TMEM161B: variants seen among roughly 807,000 people sequenced by gnomAD.
The protein encoded by TMEM161B is transmembrane protein 161B.
A neutral mutation model predicts 61.8 loss-of-function variants in TMEM161B; 34 were observed. The ratio of observed to expected loss-of-function variants is 0.55; its 90% confidence interval spans 0.42 to 0.73. The LOEUF (loss-of-function observed/expected upper bound fraction) is 0.73, where lower values mean the gene tolerates loss of function less well. Among genes scored for constraint, TMEM161B ranks in the 30% least tolerant of loss-of-function variants. The pLI is 0.00. For missense variants in TMEM161B, 456 were observed against 558.5 expected, an observed-to-expected ratio of 0.82 and a Z score of 1.85; for synonymous variants, 167 against 192.8, an observed-to-expected ratio of 0.87 and a Z score of 1.11.
chr5:88,243,441 A>G (rs1753071251), intron 1 of TMEM161B, among the ~76,000 whole-genome samples: 1 of 151,880 alleles, frequency 6.6e-6, no homozygotes, highest in Admixed American at 6.6e-5. Context: ...ATGGCTGGAT[A>G]GTATTCCATG....
At chr5:88,235,338 A>G (rs1421477452) in intron 2 of TMEM161B, among the ~76,000 whole-genome samples, 1 of 152,228 alleles carries the variant, frequency 6.6e-6, no homozygotes, top group Non-Finnish European at 1.5e-5. Context: ...ATAATCATAT[A>G]AAACTCTATT....
intron 1 of TMEM161B, among the ~76,000 whole-genome samples, chr5:88,261,730 CAAAAAA>C (rs70996464): frequency 2.2e-4 from 11 of 49,292 alleles, no homozygotes; most frequent in South Asian, 2.0e-3. Context: ...CATTCATGTG[CAAAAAA>C]AAAAAAAAAA....
chr5:88,210,952 G>C (rs1399943858), intron 5 of TMEM161B, among the ~76,000 whole-genome samples: 3 of 152,184 alleles, frequency 2.0e-5, no homozygotes, highest in Admixed American at 6.5e-5. Context: ...TTCAGGCTTT[G>C]TGGTCCATAT....
intron 5 of TMEM161B, among the ~76,000 whole-genome samples, chr5:88,212,813 C>T (rs1747079902): frequency 6.6e-6 from 1 of 152,108 alleles, no homozygotes; most frequent in Non-Finnish European, 1.5e-5. Flanking sequence ...GGCGATGGAG[C>T]GAGATTATCT....
At chr5:88,214,294 G>A (rs947835578) in intron 5 of TMEM161B, among the ~76,000 whole-genome samples, 1 of 152,022 alleles carries the variant, frequency 6.6e-6, no homozygotes, top group Admixed American at 6.6e-5. Flanking sequence ...CAAGCACTGT[G>A]GAAATGTGAC....
chr5:88,199,180 T>C, intron 9 of TMEM161B, 30 bp from the exon 10 acceptor site: 1 of 1,573,630 alleles, frequency 6.4e-7, no homozygotes. Context: ...TACGGTGCTC[T>C]CAAAGACAAC....
chr5:88,206,319 G>A (rs2112415508), intron 7 of TMEM161B, 120 bp downstream of exon 7: 1 of 774,758 alleles, frequency 1.3e-6, no homozygotes, highest in Non-Finnish European at 2.0e-6. Flanking sequence ...GATGTTTCTA[G>A]AAGTGACAGT....
chr5:88,219,739 T>C (rs930228030), intron 5 of TMEM161B, among the ~76,000 whole-genome samples: 5 of 151,998 alleles, frequency 3.3e-5, no homozygotes, highest in African/African-American at 1.2e-4. Context: ...ATCTATCAAG[T>C]ATGAGGGAAA....
Position 88,196,112 on chromosome 5 carries a change from C to A in TMEM161B, c.*99G>T. 1 of 1,461,422 alleles carries A rather than the reference C, an allele frequency of 6.8e-7. No homozygotes were observed. The highest frequency in any genetic ancestry group is 9.0e-7 in the Non-Finnish European group (1 of 1,108,240). The allele number at this position is 1,461,422 out of a possible 1,614,324, so 90.5% of individuals were successfully genotyped here. A position where few individuals can be genotyped will look rare whatever the true frequency, so the allele number is the denominator to read the frequency against. On this transcript the variant is annotated 3_prime_UTR_variant, in exon 12 of 12. Transcript: ENST00000296595. ...GACATTCTGATATGTTTTTTTTTTC[C>A]CATTGTATTTGCTTTCTTCTGGTTT...
At chr5:88,230,253 C>T (rs1009356399) in intron 2 of TMEM161B, among the ~76,000 whole-genome samples, 8 of 151,992 alleles carry the variant, frequency 5.3e-5, no homozygotes, top group African/African-American at 1.9e-4. Context: ...TGAGTACCCA[C>T]TGAATATTTG....
downstream of TMEM161B, among the ~76,000 whole-genome samples, chr5:88,192,195 GA>G (rs2112302378): frequency 6.6e-6 from 1 of 151,268 alleles, no homozygotes; most frequent in African/African-American, 2.4e-5. Context: ...CCAAACGGGA[GA>G]AAGAACAGTA....
At chr5:88,228,209 T>G (rs980328390) in intron 3 of TMEM161B, among the ~76,000 whole-genome samples, 18 of 152,146 alleles carry the variant, frequency 1.2e-4, no homozygotes, top group Admixed American at 1.2e-3. Context: ...TTACATTTTC[T>G]TTAGTATGAT....
chr5:88,228,276 CTATTT>C (rs1345602080), intron 3 of TMEM161B, among the ~76,000 whole-genome samples, 164 bp downstream of exon 3: 1 of 152,058 alleles, frequency 6.6e-6, no homozygotes, highest in East Asian at 1.9e-4. Context: ...AAAATAATCA[CTATTT>C]TGTGTGTATA....
At chr5:88,246,609 T>C (rs2112694019) in intron 1 of TMEM161B, among the ~76,000 whole-genome samples, 1 of 152,052 alleles carries the variant, frequency 6.6e-6, no homozygotes, top group South Asian at 2.1e-4. Context: ...TCATTTAAAA[T>C]TCAAAAACAA....
intron 1 of TMEM161B, among the ~76,000 whole-genome samples, chr5:88,253,391 A>C (rs1754590453): frequency 6.6e-6 from 1 of 152,192 alleles, no homozygotes; most frequent in Admixed American, 6.5e-5. Context: ...TAAATATACA[A>C]GGGAAGTCTA....
At chr5:88,199,388 A>G (rs746371327) in intron 9 of TMEM161B, 3 of 349,496 alleles carry the variant, frequency 8.6e-6, no homozygotes, top group African/African-American at 4.2e-5. Flanking sequence ...AGAAAAAAGT[A>G]GAGCAATACA....
chr5:88,219,894 G>A (rs185830990), intron 5 of TMEM161B, among the ~76,000 whole-genome samples: 3 of 152,150 alleles, frequency 2.0e-5, no homozygotes, highest in Non-Finnish European at 2.9e-5. Flanking sequence ...CTAGACAGGG[G>A]TAGAGGGAAT....
intron 2 of TMEM161B, among the ~76,000 whole-genome samples, chr5:88,230,269 A>G (rs1224351454): frequency 6.6e-6 from 1 of 152,194 alleles, no homozygotes; most frequent in Non-Finnish European, 1.5e-5. Flanking sequence ...ATTTGATTAC[A>G]TTAAAAAATT....
Position 88,195,685 on chromosome 5 carries a change from C to T in TMEM161B, c.*526G>A. 1.0e-6 allele frequency: 1 copy of T among 985,286 alleles called. No individual in the cohort carries two copies. The allele number at this position is 985,286 out of a possible 1,614,324, so 61.0% of individuals were successfully genotyped here. ...TAAAATAACTATGCAGCTTTCTTTA[C>T]TGTAATATACAGTAGCTATCTCTTC... On this transcript the variant is annotated 3_prime_UTR_variant, in exon 12 of 12. Transcript: ENST00000296595.
Sources: gnomAD v4.1 joint callset for allele counts (sites outside exome capture counted in the v4.1 genomes callset) on GRCh38, gnomAD v4.1.1 for gene constraint, MANE v1.5 for transcripts, NCBI Gene and HGNC (gene_info 2026-07-23, HGNC 2026-07-21) for gene names.